The following PLA2G1B variants were observed in gnomAD, a reference collection of about 807,000 sequenced individuals.
The protein encoded by PLA2G1B is phospholipase A2.
Under a neutral mutation model 12.5 loss-of-function variants are expected in PLA2G1B, and 12 were observed. The ratio of observed to expected loss-of-function variants is 0.96; its 90% CI spans 0.62 to 1.56. The LOEUF (loss-of-function observed/expected upper bound fraction) is 1.56. Ranked by LOEUF, PLA2G1B falls within the 40% of genes most tolerant of loss-of-function variation. The probability of loss-of-function intolerance (pLI) is 0.00; values close to 1 mark genes in which losing one functional copy is unlikely to be tolerated. For synonymous variants in PLA2G1B, 81 were observed against 73.4 expected (o/e 1.10, Z -0.53); for missense variants, 189 against 186.7 (o/e 1.01, Z -0.07).
chr12:120,326,628 C>T (rs1873356374), intron 1 of PLA2G1B, among the ~76,000 whole-genome samples: 1 of 145,142 alleles, frequency 6.9e-6, no homozygotes, highest in Non-Finnish European at 1.5e-5. Flanking sequence ...ATAATAATCT[C>T]TAACCTCATG....
chr12:120,322,289 A>G lies in PLA2G1B; in HGVS notation c.351T>C (p.Ile117=), dbSNP rs1258914890. The G allele has an allele frequency of 6.2e-7, 1 of 1,614,126 alleles. No homozygotes were observed. Among genetic ancestry groups the G allele is most frequent in the Admixed American group, 1.7e-5 (1 of 59,992 alleles). ...SSKNKECEAF[I]CNCDRNAAIC... ...TGGCAGCGTTGCGGTCGCAGTTGCA[A>G]ATGAAGGCCTCACACTCTTTGTTTT... The change falls in exon 4 of 4, where the codon ATT becomes ATC. Residue 117 remains isoleucine, a synonymous_variant. Coordinates refer to ENST00000308366, the MANE Select transcript of PLA2G1B (RefSeq NM_000928.3).
At position 120,322,243 on chromosome 12, in the gene PLA2G1B, A is replaced by G. The variant is rs765635237; in HGVS notation, c.397T>C (p.Tyr133His). 5 of 1,614,108 alleles carry G rather than the reference A, an allele frequency of 3.1e-6. No individual in the cohort carries two copies. In the South Asian group the frequency reaches 3.3e-5, roughly 11 times the overall value. The change falls in exon 4 of 4, where the codon TAT (tyrosine) becomes CAT (histidine). Residue 133 changes from tyrosine (Y) to histidine (H), a missense_variant. Physicochemically the swap from Tyr to His is moderately conservative, Grantham distance 83. Transcript: ENST00000308366. The part of the protein sequence containing the change: ...NAAICFSKAP[Y>H]NKAHKNLDTK... ...TCCAGGTTCTTGTGTGCCTTGTTAT[A>G]TGGAGCTTTTGAAAAGCAGATGGCA...
Position 120,326,015 on chromosome 12 carries a change from C to T in PLA2G1B, c.40G>A (p.Ala14Thr), listed in dbSNP as rs1565876336. The part of the protein sequence containing the change: ...LVLAVLLTVA[A>T]ADSGISPRAV... ...CGAGGGCTGATGCCGCTGTCGGCGG[C>T]GGCCACTGCAAGAAGACATAGCCAG... The change falls in exon 2 of 4, where the codon GCC (alanine) becomes ACC (threonine). Residue 14 changes from alanine to threonine, a missense_variant. Coordinates refer to ENST00000308366, the MANE Select transcript of PLA2G1B (RefSeq NM_000928.3). 1.2e-6 allele frequency: 2 copies of T among 1,613,618 alleles called. No individual in the cohort carries two copies. The highest frequency in any genetic ancestry group is 1.7e-6 in the Non-Finnish European group (2 of 1,179,956).
rs1479652455 is a variant in PLA2G1B, at chr12:120,327,100, C to T, written c.34+620G>A. Among the ~76,000 whole-genome samples, 4 of 151,768 alleles carry T rather than the reference C, an allele frequency of 2.6e-5. 1 individual carries two copies. Among genetic ancestry groups the T allele is most frequent in the African/African-American group, 7.3e-5 (3 of 41,322 alleles). On this transcript the variant is annotated intron_variant, in intron 1 of 3. Transcript: ENST00000308366. ...CCCAGCCTGGCCAACATGGTGAAAA[C>T]CTGTCTCTACCAAAAAAAACACACA...
chr12:120,322,287 C>G lies in PLA2G1B; in HGVS notation c.353G>C (p.Cys118Ser). 6.2e-7 allele frequency: 1 copy of G among 1,613,996 alleles called. No homozygotes were observed. The highest frequency in any genetic ancestry group is 2.2e-5 in the East Asian group (1 of 44,858). The change falls in exon 4 of 4, where the codon TGC becomes TCC. Residue 118 changes from cysteine to serine, a missense_variant. Coordinates refer to ENST00000308366, the MANE Select transcript of PLA2G1B (RefSeq NM_000928.3). Reference protein sequence around the residue: ...SKNKECEAFICNCDRNAAICF... With the variant: ...SKNKECEAFISNCDRNAAICF... ...GATGGCAGCGTTGCGGTCGCAGTTG[C>G]AAATGAAGGCCTCACACTCTTTGTT... is the stretch of plus-strand genomic sequence containing the variant.
rs761872458 is a variant in PLA2G1B at position 120,325,096 on chromosome 12, A to G, written c.195-35T>C. ...GGGAGGGACAGCTGAGATAGGAGTA[A>G]GTGCAGAGCAATAGGTCAGCCCTCA... On this transcript the variant is annotated intron_variant, in intron 2 of 3. Coordinates refer to ENST00000308366, the MANE Select transcript of PLA2G1B (RefSeq NM_000928.3). 13 of 1,613,182 alleles carry G rather than the reference A, an allele frequency of 8.1e-6. No individual in the cohort carries two copies. In the East Asian group the frequency reaches 2.9e-4, roughly 36 times the overall value.
intron 1 of PLA2G1B, among the ~76,000 whole-genome samples, chr12:120,326,344 GTTT>G (rs35592348): frequency 7.8e-6 from 1 of 127,572 alleles, no homozygotes. Context: ...AGGCCTGATA[GTTT>G]TTTTTTTTTT....
chr12:120,326,719 C>T (rs1873358281), intron 1 of PLA2G1B, among the ~76,000 whole-genome samples: 8 of 151,524 alleles, frequency 5.3e-5, no homozygotes, highest in Admixed American at 5.3e-4. Flanking sequence ...GCCTGTAATC[C>T]CAGCACTTTG....
In PLA2G1B at chr12:120,322,124, C is replaced by T; in HGVS notation, c.*69G>A. ...AATATCCAAACATGAGGTCTTTCAA[C>T]AAGGTGCTTTATTGGAGAGTACAGT... On this transcript the variant is annotated 3_prime_UTR_variant, in exon 4 of 4. Transcript: ENST00000308366. The T allele has an allele frequency of 6.7e-7, 1 of 1,489,786 alleles. No homozygotes were observed. The highest frequency in any genetic ancestry group is 1.2e-5 in the South Asian group (1 of 81,802). The allele number at this position is 1,489,786 out of a possible 1,614,324, so 92.3% of individuals were successfully genotyped here. A position where few individuals can be genotyped will look rare whatever the true frequency, so the allele number is the denominator to read the frequency against.
intron 1 of PLA2G1B, among the ~76,000 whole-genome samples, chr12:120,326,843 C>T (rs1461241852): frequency 2.0e-5 from 3 of 151,800 alleles, no homozygotes; most frequent in African/African-American, 7.3e-5. Flanking sequence ...TGGTGGCAGG[C>T]GCCTTTAGTC....
At chr12:120,325,249 C>T (rs1371071623) in intron 2 of PLA2G1B, among the ~76,000 whole-genome samples, 188 bp from the exon 3 acceptor site, 3 of 150,514 alleles carry the variant, frequency 2.0e-5, no homozygotes, top group Non-Finnish European at 4.4e-5. Context: ...TTTTTTGAGA[C>T]AGAGTTGCTC....
rs1873247987 is a variant in PLA2G1B at position 120,322,176 on chromosome 12, C to T, written c.*17G>A. Reference sequence around the variant, plus strand: ...TGAGATGAGGCAGATAGAGGTGATGCTTTTGAGAGGTGATATTCAACTCTG... The same window carrying T: ...TGAGATGAGGCAGATAGAGGTGATGTTTTTGAGAGGTGATATTCAACTCTG... On this transcript the variant is annotated 3_prime_UTR_variant, in exon 4 of 4. Coordinates refer to ENST00000308366, the MANE Select transcript of PLA2G1B (RefSeq NM_000928.3). 1 of 1,612,988 alleles carries T rather than the reference C, an allele frequency of 6.2e-7. No individual in the cohort carries two copies. The highest frequency in any genetic ancestry group is 1.7e-5 in the Admixed American group (1 of 59,870).
Position 120,327,141 on chromosome 12 carries a change from A to G in PLA2G1B, c.34+579T>C, listed in dbSNP as rs531131395. Among the ~76,000 whole-genome samples, 347 of 151,854 alleles carry G rather than the reference A, an allele frequency of 2.3e-3. 1 individual carries two copies. Among genetic ancestry groups the G allele is most frequent in the Non-Finnish European group, 3.9e-3 (266 of 67,924 alleles). ...AAAACACACAAAAAATTAGCTGGGC[A>G]TGGTGGTGTGTGCCAGCTACTTGAG... On this transcript the variant is annotated intron_variant, in intron 1 of 3. Coordinates refer to ENST00000308366, the MANE Select transcript of PLA2G1B (RefSeq NM_000928.3).
At position 120,325,343 on chromosome 12, in the gene PLA2G1B, C is replaced by T. The variant is rs9657932; in HGVS notation, c.195-282G>A. ...TCTCCCAAGTAGCTGGGGTTACAGG[C>T]GCTCGCCACCATGTCCGGCTAATTT... On this transcript the variant is annotated intron_variant, in intron 2 of 3. Coordinates refer to ENST00000308366, the MANE Select transcript of PLA2G1B (RefSeq NM_000928.3). Among the ~76,000 whole-genome samples, 1,219 of 151,942 alleles carry T rather than the reference C, an allele frequency of 8.0e-3. 14 individuals carry two copies. Among genetic ancestry groups the T allele is most frequent in the African/African-American group, 0.028 (1,152 of 41,434 alleles).
intron 3 of PLA2G1B, among the ~76,000 whole-genome samples, chr12:120,324,528 C>T (rs145861920): frequency 9.7e-4 from 148 of 152,168 alleles, no homozygotes; most frequent in African/African-American, 3.0e-3. Context: ...ATTAGCCAGG[C>T]GTGGTGGTGC....
At chr12:120,325,840 T>C in intron 2 of PLA2G1B, 21 bp downstream of exon 2, 1 of 1,611,992 alleles carries the variant, frequency 6.2e-7, no homozygotes, top group Non-Finnish European at 8.5e-7. Context: ...ACTCCAATTT[T>C]CCTGCAGGCG....
Position 120,324,994 on chromosome 12 carries a change from C to A in PLA2G1B, c.262G>T (p.Asp88Tyr). Residue 88 changes from aspartate (D) to tyrosine (Y), a missense_variant, in exon 3 of 4, where the codon GAC becomes TAC. Asp to Tyr is a radical substitution (Grantham distance 160). Coordinates refer to ENST00000308366, the MANE Select transcript of PLA2G1B (RefSeq NM_000928.3). ...GAATAGGTGTGGGTGTACGGGTTGT[C>A]CAGCAGAAATTTACAGCTGTCCAGC... ...KKLDSCKFLLDNPYTHTYSYS... is the reference protein window; with the variant it reads ...KKLDSCKFLLYNPYTHTYSYS... 1 of 1,613,958 alleles carries A rather than the reference C, an allele frequency of 6.2e-7. No individual in the cohort carries two copies. Among genetic ancestry groups the A allele is most frequent in the Non-Finnish European group, 8.5e-7 (1 of 1,179,938 alleles).
rs202174177 is a variant in PLA2G1B, at chr12:120,322,332, A to C, written c.323-15T>G. On this transcript the variant is annotated splice_polypyrimidine_tract_variant and intron_variant, in intron 3 of 3. Transcript: ENST00000308366. ...TTTGTTTTTGCCTGGAGAGGGATGA[A>C]AGGAGAGGACTGAGCCAAGGTGGAC... is the stretch of plus-strand genomic sequence containing the variant. 43 of 1,613,062 alleles carry C rather than the reference A, an allele frequency of 2.7e-5. No homozygotes were observed. The highest frequency in any genetic ancestry group is 4.0e-5 in the African/African-American group (3 of 74,988).
At position 120,324,987 on chromosome 12, in the gene PLA2G1B, G is replaced by A. The variant is rs765150969; in HGVS notation, c.269C>T (p.Pro90Leu). Residue 90 changes from proline to leucine, a missense_variant, in exon 3 of 4, where the codon CCG becomes CTG. Pro to Leu is a moderately conservative substitution (Grantham distance 98). Transcript: ENST00000308366. ...LDSCKFLLDNPYTHTYSYSCS... is the reference protein window; with the variant it reads ...LDSCKFLLDNLYTHTYSYSCS... Reference sequence around the variant, plus strand: ...CGAGTATGAATAGGTGTGGGTGTACGGGTTGTCCAGCAGAAATTTACAGCT... The same window carrying A: ...CGAGTATGAATAGGTGTGGGTGTACAGGTTGTCCAGCAGAAATTTACAGCT... 8.7e-6 allele frequency: 14 copies of A among 1,613,854 alleles called. 1 individual carries two copies. In the Middle Eastern group the frequency reaches 9.9e-4, roughly 114 times the overall value.
Sources: allele counts gnomAD v4.1 joint callset (sites outside exome capture counted in the v4.1 genomes callset), GRCh38; gene constraint gnomAD v4.1.1; transcripts MANE v1.5; gene names NCBI Gene and HGNC (gene_info 2026-07-23, HGNC 2026-07-21).